Variants in SPATA6L observed in about 807,000 individuals in gnomAD.
SPATA6L encodes spermatogenesis associated 6-like protein.
Under a neutral mutation model 49.2 loss-of-function variants are expected in SPATA6L, and 68 were observed. The ratio of observed to expected loss-of-function variants is 1.38; its 90% CI spans 1.14 to 1.69. The LOEUF is 1.69. SPATA6L is among the 40% of genes most tolerant of loss of function. The pLI is 0.00. For synonymous variants in SPATA6L, 198 were observed against 165.7 expected (o/e 1.19, Z -1.50); for missense variants, 668 against 464.3 (o/e 1.44, Z -4.03).
At position 4,666,246 on chromosome 9, in the gene SPATA6L, G is replaced by C; in HGVS notation, c.5C>G (p.Pro2Arg). The change falls in exon 1 of 12, where the codon CCT (proline) becomes CGT (arginine). Residue 2 changes from proline to arginine, a missense_variant. By Grantham distance (103) the Pro-to-Arg change is moderately radical (BLOSUM62 -2). Coordinates refer to ENST00000682582, the MANE Select transcript of SPATA6L (RefSeq NM_001353486.2). M[P>R]LEVVVELQIR... is the part of the protein sequence containing the mutation. ...CTGCAGCTCCACCACCACCTCCAGA[G>C]GCATCGTTCCCTGCGTGGGCGAAAG... 1.2e-6 allele frequency: 2 copies of C among 1,614,140 alleles called. No individual in the cohort carries two copies. Among genetic ancestry groups the C allele is most frequent in the Non-Finnish European group, 1.7e-6 (2 of 1,180,028 alleles).
At position 4,601,384 on chromosome 9, in the gene SPATA6L, G is replaced by A. The variant is rs542724682; in HGVS notation, c.*2-575C>T. On this transcript the variant is annotated intron_variant, in intron 11 of 11. Transcript: ENST00000682582. ...TTACGGGAGGTTTTTTTTTTTGTTT[G>A]GTTTTTTGGATGTTTGGTTTTTGTG... is the stretch of plus-strand genomic sequence containing the variant. Among the ~76,000 whole-genome samples the A allele has an allele frequency of 9.0e-5, 13 of 144,872 alleles. No individual in the cohort carries two copies. The East Asian group carries it at 2.5e-3, about 27-fold the overall frequency.
At chr9:4,663,654 G>A (rs1408264209) in intron 1 of SPATA6L, 1 of 202,352 alleles carries the variant, frequency 4.9e-6, no homozygotes, top group African/African-American at 2.3e-5. Context: ...AAAGAAACAT[G>A]ATGTTCATTC....
intron 2 of SPATA6L, among the ~76,000 whole-genome samples, chr9:4,657,056 A>G (rs766685972): frequency 3.3e-5 from 5 of 152,164 alleles, no homozygotes; most frequent in African/African-American, 4.8e-5. Flanking sequence ...AAATCTTTAT[A>G]TTTTCTTCTT....
At chr9:4,633,542 A>C (rs376907887) in intron 4 of SPATA6L, 26 of 190,554 alleles carry the variant, frequency 1.4e-4, no homozygotes, top group East Asian at 7.3e-4. Flanking sequence ...CCTAGAACCA[A>C]AGCACCCAAG....
rs141433214 is a variant in SPATA6L, at chr9:4,661,805, AAATTTACCAAAT to A, written c.177+82_177+93del. ...CTTTCGGATAATTTTTTTAAAAATGAAATTTACCAAATAATGCTGTAAGAACTCTGTTCTTTA... is the reference window on the plus strand; with the variant it reads ...CTTTCGGATAATTTTTTTAAAAATGAAATGCTGTAAGAACTCTGTTCTTTA... On this transcript the variant is annotated intron_variant, in intron 2 of 11. Transcript: ENST00000682582. The A allele has an allele frequency of 1.7e-4, 246 of 1,406,768 alleles. No individual in the cohort carries two copies. In the East Asian group the frequency reaches 5.9e-3, roughly 34 times the overall value. 87.1% of individuals were successfully genotyped at this position (1,406,768 alleles called of 1,614,324 possible).
chr9:4,597,846 G>A (rs567952651), downstream of SPATA6L, among the ~76,000 whole-genome samples: 30 of 152,260 alleles, frequency 2.0e-4, no homozygotes, highest in African/African-American at 7.2e-4. Flanking sequence ...TCACAGCATG[G>A]ACTACAGAGC....
rs1830921339 is a variant in SPATA6L, at chr9:4,629,082, T to C, written c.429+9A>G. The stretch of plus-strand genomic sequence containing the variant: ...GTCATTTCTATCACTAGATTTGTAT[T>C]GTACTTACAAGAAATCTGTTTCTAT... On this transcript the variant is annotated intron_variant, in intron 5 of 11. Coordinates refer to ENST00000682582, the MANE Select transcript of SPATA6L (RefSeq NM_001353486.2). The C allele has an allele frequency of 6.3e-7, 1 of 1,581,922 alleles. No individual in the cohort carries two copies. The highest frequency in any genetic ancestry group is 1.7e-5 in the Admixed American group (1 of 57,880).
intron 8 of SPATA6L, 92 bp downstream of exon 8, chr9:4,618,772 T>C: frequency 8.4e-7 from 1 of 1,189,566 alleles, no homozygotes; most frequent in Middle Eastern, 2.2e-4. Flanking sequence ...GCAGACTAAC[T>C]AGAAATATCC....
chr9:4,649,809 T>C (rs559792108), intron 3 of SPATA6L, among the ~76,000 whole-genome samples: 3 of 152,342 alleles, frequency 2.0e-5, no homozygotes, highest in African/African-American at 4.8e-5. Context: ...TTATGCTTCA[T>C]TACACCTCCC....
intron 9 of SPATA6L, among the ~76,000 whole-genome samples, chr9:4,606,206 G>A (rs1824913395): frequency 6.7e-6 from 1 of 150,254 alleles, no homozygotes; most frequent in African/African-American, 2.5e-5. Context: ...CTGCAAGGCG[G>A]CAGCGAGGCT....
intron 13 of SPATA6L, among the ~76,000 whole-genome samples, chr9:4,589,652 T>C (rs1821777577): frequency 6.6e-6 from 1 of 152,232 alleles, no homozygotes; most frequent in Admixed American, 6.5e-5. Flanking sequence ...ATGCTTGGGC[T>C]GTGTGAAGCT....
At position 4,620,365 on chromosome 9, in the gene SPATA6L, G is replaced by A. The variant is rs369150016; in HGVS notation, c.773-1467C>T. 7.0e-4 allele frequency among the ~76,000 whole-genome samples: 106 copies of A among 152,246 alleles called. 2 individuals are homozygous for A. The South Asian group carries it at 0.022, about 31-fold the overall frequency. On this transcript the variant is annotated intron_variant, in intron 7 of 11. Coordinates refer to ENST00000682582, the MANE Select transcript of SPATA6L (RefSeq NM_001353486.2). ...TTTTGAGCCCTACCTTTCACACGGG[G>A]GCCTGCCATCATTCCCTTGCTTCTC... is the stretch of plus-strand genomic sequence containing the variant.
At chr9:4,626,930 T>C in intron 5 of SPATA6L, 1 of 154,628 alleles carries the variant, frequency 6.5e-6, no homozygotes, top group East Asian at 1.9e-4. Context: ...GTGTGATGTG[T>C]GTACAGAATA....
At position 4,629,185 on chromosome 9, in the gene SPATA6L, A is replaced by G. The variant is rs190658274; in HGVS notation, c.352-17T>C. On this transcript the variant is annotated splice_polypyrimidine_tract_variant and intron_variant, in intron 4 of 11. Coordinates refer to ENST00000682582, the MANE Select transcript of SPATA6L (RefSeq NM_001353486.2). ...AGCAATGCCCTATAAAACAGCATAA[A>G]AAAAGCAAATAAAATTACTAGAAAC... 18 of 1,563,376 alleles carry G rather than the reference A, an allele frequency of 1.2e-5. No homozygotes were observed. The highest frequency in any genetic ancestry group is 3.7e-5 in the Admixed American group (2 of 53,642).
chr9:4,592,820 G>C (rs2129946728), intron 13 of SPATA6L, among the ~76,000 whole-genome samples: 2 of 152,238 alleles, frequency 1.3e-5, no homozygotes, highest in South Asian at 4.1e-4. Flanking sequence ...GGAAACTTTT[G>C]GAGATGATGG....
At chr9:4,644,981 A>C (rs537387737) in intron 3 of SPATA6L, among the ~76,000 whole-genome samples, 1 of 152,170 alleles carries the variant, frequency 6.6e-6, no homozygotes, top group Non-Finnish European at 1.5e-5. Context: ...GTTCAAATTT[A>C]CTCACCTCTG....
chr9:4,597,487 C>T (rs767296483), downstream of SPATA6L, among the ~76,000 whole-genome samples: 29 of 152,148 alleles, frequency 1.9e-4, no homozygotes, highest in Non-Finnish European at 2.5e-4. Context: ...TCCATCAACT[C>T]AGCCATCAAG....
At chr9:4,611,461 TG>T (rs752337025) in intron 9 of SPATA6L, among the ~76,000 whole-genome samples, 1 of 149,364 alleles carries the variant, frequency 6.7e-6, no homozygotes, top group African/African-American at 2.6e-5. Flanking sequence ...CGGAATACTA[TG>T]CAGCCATAAA....
At chr9:4,614,668 C>T (rs1564160607) in intron 9 of SPATA6L, among the ~76,000 whole-genome samples, 1 of 152,178 alleles carries the variant, frequency 6.6e-6, no homozygotes, top group South Asian at 2.1e-4. Flanking sequence ...ACCTGGGACT[C>T]AGGGGTTTCC....
Sources: gnomAD v4.1 joint callset for allele counts (sites outside exome capture counted in the v4.1 genomes callset) on GRCh38, gnomAD v4.1.1 for gene constraint, MANE v1.5 for transcripts, NCBI Gene and HGNC (gene_info 2026-07-23, HGNC 2026-07-21) for gene names.